STRC: variants seen among roughly 807,000 people sequenced by gnomAD.
STRC encodes stereocilin.
A neutral mutation model predicts 103.5 loss-of-function variants in STRC; 43 were observed. The observed-to-expected ratio is 0.42, with a 90% confidence interval of 0.33 to 0.54. STRC has a LOEUF of 0.54. Among genes scored for constraint, STRC ranks in the 20% least tolerant of loss-of-function variants. The pLI, the probability that STRC is intolerant of heterozygous loss-of-function variation, is 0.14. For missense variants in STRC, 499 were observed against 1,088.5 expected, an observed-to-expected ratio of 0.46 and a Z score of 7.62; for synonymous variants, 186 against 442.3, an observed-to-expected ratio of 0.42 and a Z score of 7.27.
At chr15:43,605,093 T>G in intron 19 of STRC, 171 bp downstream of exon 19, 3 of 1,290,456 alleles carry the variant, frequency 2.3e-6, no homozygotes, top group Admixed American at 2.1e-5. Context: ...TGAAGCATAT[T>G]ATCAAGGAAC....
At chr15:43,605,646 T>A (rs1432596526) in intron 18 of STRC, among the ~76,000 whole-genome samples, 1 of 134,472 alleles carries the variant, frequency 7.4e-6, no homozygotes, top group Non-Finnish European at 1.6e-5. Context: ...CTACCTGATC[T>A]AATGGACTCA....
rs769443188 is a variant in STRC at position 43,600,879 on chromosome 15, C to A, written c.4837G>T (p.Glu1613Ter). 32 of 1,613,200 alleles carry A rather than the reference C, an allele frequency of 2.0e-5. No individual in the cohort carries two copies. The highest frequency in any genetic ancestry group is 8.3e-5 in the Admixed American group (5 of 59,942). Residue 1613 changes from glutamate to a stop codon, truncating the protein, a stop_gained, in exon 25 of 29, where the codon GAG (glutamate) becomes TAG (stop). Transcript: ENST00000450892. LOFTEE classifies it high-confidence loss of function. ...AGCCCCTTCACAAATGACCTGAACT[C>A]CCAACTGCTGATGTGCTGGAGCTCC... is the stretch of plus-strand genomic sequence containing the variant. ...PEELQHISSW[E>*]FSQAALFLGT... is the part of the protein sequence containing the mutation.
intron 18 of STRC, among the ~76,000 whole-genome samples, chr15:43,607,101 T>G (rs2085716264): frequency 6.8e-6 from 1 of 147,434 alleles, no homozygotes; most frequent in African/African-American, 2.5e-5. Context: ...AACACCAGCA[T>G]TTTCCTATCC....
intron 22 of STRC, 23 bp downstream of exon 22, chr15:43,603,973 T>C (rs765744102): frequency 6.2e-7 from 1 of 1,612,526 alleles, no homozygotes; most frequent in Non-Finnish European, 8.5e-7. Context: ...CTGCTGGACA[T>C]ATAAGTATTT....
chr15:43,603,931 G>T (rs1418382646), intron 22 of STRC, 65 bp downstream of exon 22: 24 of 1,609,402 alleles, frequency 1.5e-5, no homozygotes, highest in Non-Finnish European at 2.0e-5. Context: ...AGCACATGTA[G>T]AACCCAGACC....
intron 22 of STRC, 129 bp from the exon 23 acceptor site, chr15:43,603,540 T>A (rs1252275383): frequency 9.8e-7 from 1 of 1,020,412 alleles, no homozygotes; most frequent in Non-Finnish European, 1.5e-6. Context: ...ATCAAAGGAG[T>A]ATTACAGAGT....
intron 16 of STRC, among the ~76,000 whole-genome samples, chr15:43,608,723 C>T (rs1284830321): frequency 1.2e-5 from 1 of 81,984 alleles, no homozygotes; most frequent in East Asian, 3.4e-4. Context: ...AAGACTGTCT[C>T]GAAAAAAAAA....
intron 16 of STRC, among the ~76,000 whole-genome samples, chr15:43,608,678 A>C (rs1468558501): frequency 7.4e-6 from 1 of 134,328 alleles, no homozygotes; most frequent in Non-Finnish European, 1.6e-5. Context: ...GTGAGCCGAA[A>C]TCGCGCCACT....
In STRC at chr15:43,603,341, C is replaced by G; in HGVS notation, c.4446G>C (p.Glu1482Asp). The G allele has an allele frequency of 6.2e-7, 1 of 1,613,824 alleles. No individual in the cohort carries two copies. Among genetic ancestry groups the G allele is most frequent in the Non-Finnish European group, 8.5e-7 (1 of 1,179,848 alleles). ...AGTCCTCAAAGTCTGAGAGCTCCAT[C>G]TCTGCAATCTGGGTTGCAGACCAGG... ...PAAWSATQIA[E>D]MELSDFEDCL... The change falls in exon 23 of 29, where the codon GAG becomes GAC. Residue 1482 changes from glutamate to aspartate, a missense_variant. Physicochemically the swap from Glu to Asp is conservative, Grantham distance 45. Transcript: ENST00000450892.
At chr15:43,604,245 A>C in intron 21 of STRC, 93 bp from the exon 22 acceptor site, 1 of 1,596,516 alleles carries the variant, frequency 6.3e-7, no homozygotes, top group Non-Finnish European at 8.5e-7. Flanking sequence ...TCTGTTTTGC[A>C]GTCTCCCCCC....
chr15:43,601,868 C>T (rs377596722), intron 23 of STRC, among the ~76,000 whole-genome samples: 100 of 151,786 alleles, frequency 6.6e-4, no homozygotes, highest in African/African-American at 2.4e-3. Flanking sequence ...AGCTGTAATC[C>T]CAGCACTTTG....
chr15:43,605,634 T>A (rs1412638239), intron 18 of STRC, among the ~76,000 whole-genome samples: 3 of 134,638 alleles, frequency 2.2e-5, no homozygotes, highest in Non-Finnish European at 4.7e-5. Context: ...TAACGAACAA[T>A]CCTACCTGAT....
intron 24 of STRC, 129 bp downstream of exon 24, chr15:43,601,267 T>A: frequency 7.1e-7 from 1 of 1,403,916 alleles, no homozygotes; most frequent in Non-Finnish European, 1.0e-6. Flanking sequence ...GTATGGGGTA[T>A]CAACAAAAGA....
chr15:43,606,999 CAAAAAAAAA>C (rs1366473498), intron 18 of STRC, among the ~76,000 whole-genome samples: 1 of 62,284 alleles, frequency 1.6e-5, no homozygotes, highest in Admixed American at 1.8e-4. Flanking sequence ...AACTCTGTCT[CAAAAAAAAA>C]AAAAAAGAAA....
intron 19 of STRC, 137 bp downstream of exon 19, chr15:43,605,127 C>A (rs1444483818): frequency 2.0e-6 from 3 of 1,531,790 alleles, no homozygotes; most frequent in African/African-American, 1.4e-5. Context: ...AAAACAGGGG[C>A]CAGGCCTTGT....
chr15:43,603,308 T>A lies in STRC; in HGVS notation c.4479A>T (p.Thr1493=). 1 of 1,613,874 alleles carries A rather than the reference T, an allele frequency of 6.2e-7. No homozygotes were observed. Among genetic ancestry groups the A allele is most frequent in the Non-Finnish European group, 8.5e-7 (1 of 1,179,900 alleles). ...CAAGTCCTGGGTCTCCTGCAAATAATGTCAGGCAGTCCTCAAAGTCTGAGA... is the reference window on the plus strand; with the variant it reads ...CAAGTCCTGGGTCTCCTGCAAATAAAGTCAGGCAGTCCTCAAAGTCTGAGA... ...MELSDFEDCL[T]LFAGDPGLGP... Residue 1493 remains threonine, a synonymous_variant, in exon 23 of 29, where the codon ACA becomes ACT. Coordinates refer to ENST00000450892, the MANE Select transcript of STRC (RefSeq NM_153700.2).
At chr15:43,605,202 T>C in intron 19 of STRC, 62 bp downstream of exon 19, 2 of 1,573,478 alleles carry the variant, frequency 1.3e-6, no homozygotes, top group Non-Finnish European at 1.7e-6. Flanking sequence ...TCAGAGAGCA[T>C]TGTCTGAGGA....
In STRC at chr15:43,601,556, G is replaced by C; in HGVS notation, c.4546-5C>G. ...TCCCCGGGGGGGACCCCACAACTAG[G>C]AGAAAGACAGGAACAATGTGAGTGG... On this transcript the variant is annotated splice_region_variant and splice_polypyrimidine_tract_variant and intron_variant, in intron 23 of 28. Transcript: ENST00000450892. The C allele has an allele frequency of 6.2e-7, 1 of 1,613,710 alleles. No individual in the cohort carries two copies. The highest frequency in any genetic ancestry group is 1.7e-4 in the Middle Eastern group (1 of 6,058).
intron 17 of STRC, 33 bp from the exon 18 acceptor site, chr15:43,608,008 C>T (rs752841473): frequency 1.2e-6 from 2 of 1,611,128 alleles, no homozygotes; most frequent in Non-Finnish European, 8.5e-7. Context: ...CAGAGCAGAA[C>T]ATAGGAGCTG....
Sources: allele counts gnomAD v4.1 joint callset (sites outside exome capture counted in the v4.1 genomes callset), GRCh38; gene constraint gnomAD v4.1.1; transcripts MANE v1.5; gene names NCBI Gene and HGNC (gene_info 2026-07-23, HGNC 2026-07-21).